DNM3: variants seen among roughly 807,000 people sequenced by gnomAD.
The protein encoded by DNM3 is dynamin-3.
Under a neutral mutation model 101.6 loss-of-function variants are expected in DNM3, and 47 were observed. The observed-to-expected ratio is 0.46, with a 90% confidence interval of 0.37 to 0.59. DNM3 has a LOEUF of 0.59. Among genes scored for constraint, DNM3 ranks in the 20% least tolerant of loss-of-function variants. The probability of loss-of-function intolerance (pLI) is 0.00; values close to 1 mark genes in which losing one functional copy is unlikely to be tolerated. For missense variants in DNM3, 849 were observed against 1,085.7 expected, an observed-to-expected ratio of 0.78 and a Z score of 3.06; for synonymous variants, 385 against 387.9, an observed-to-expected ratio of 0.99 and a Z score of 0.09.
intron 16 of DNM3, among the ~76,000 whole-genome samples, chr1:172,314,503 C>A (rs900315682): frequency 6.6e-6 from 1 of 152,160 alleles, no homozygotes; most frequent in African/African-American, 2.4e-5. Flanking sequence ...GGGTGACAGA[C>A]GGCACCTGGA....
chr1:172,038,607 T>C, intron 7 of DNM3, 146 bp downstream of exon 7: 1 of 1,111,022 alleles, frequency 9.0e-7, no homozygotes. Context: ...CTCTTGAATT[T>C]TTATGCTTTG....
Position 172,387,272 on chromosome 1 carries a change from T to A in DNM3, c.2198T>A (p.Leu733His), listed in dbSNP as rs2069235873. The change falls in exon 19 of 21, where the codon CTT (leucine) becomes CAT (histidine). Residue 733 changes from leucine (L) to histidine (H), a missense_variant. Physicochemically the swap from Leu to His is moderately conservative, Grantham distance 99. Coordinates refer to ENST00000627582, the MANE Select transcript of DNM3 (RefSeq NM_015569.5). ...ATGTATCAAGCACTGAAAGAAGCCCTTGGGATAATTGGGGACATCAGCACA... is the reference window on the plus strand; with the variant it reads ...ATGTATCAAGCACTGAAAGAAGCCCATGGGATAATTGGGGACATCAGCACA... ...LRMYQALKEALGIIGDISTAT... is the reference protein window; with the variant it reads ...LRMYQALKEAHGIIGDISTAT... 1 of 1,613,910 alleles carries A rather than the reference T, an allele frequency of 6.2e-7. No homozygotes were observed. The highest frequency in any genetic ancestry group is 2.2e-5 in the East Asian group (1 of 44,862).
intron 15 of DNM3, among the ~76,000 whole-genome samples, chr1:172,284,363 T>C (rs924688952): frequency 1.2e-4 from 18 of 152,174 alleles, no homozygotes; most frequent in Admixed American, 8.5e-4. Flanking sequence ...GAAAATGTCA[T>C]TGGGATATTG....
intron 6 of DNM3, among the ~76,000 whole-genome samples, chr1:172,036,955 A>G (rs2049014389): frequency 6.8e-6 from 1 of 148,128 alleles, no homozygotes; most frequent in Non-Finnish European, 1.5e-5. Flanking sequence ...ACAAGAAAAA[A>G]ACAACTCCAT....
At chr1:172,121,781 A>G (rs535093270) in intron 13 of DNM3, among the ~76,000 whole-genome samples, 2 of 152,202 alleles carry the variant, frequency 1.3e-5, no homozygotes, top group Non-Finnish European at 2.9e-5. Context: ...GGAAACAGAA[A>G]GTTATTAATT....
At chr1:172,031,420 G>A (rs2048597466) in intron 4 of DNM3, among the ~76,000 whole-genome samples, 1 of 152,118 alleles carries the variant, frequency 6.6e-6, no homozygotes, top group Non-Finnish European at 1.5e-5. Flanking sequence ...GATGAGAGGA[G>A]GGAGAGCATT....
chr1:172,065,319 C>G (rs1291711308), intron 10 of DNM3, among the ~76,000 whole-genome samples: 1 of 152,168 alleles, frequency 6.6e-6, no homozygotes, highest in African/African-American at 2.4e-5. Flanking sequence ...AGTTACTTCT[C>G]TGAGGCAATG....
At chr1:172,202,755 T>C (rs1442857840) in intron 14 of DNM3, among the ~76,000 whole-genome samples, 12 of 152,164 alleles carry the variant, frequency 7.9e-5, no homozygotes, top group Non-Finnish European at 2.9e-5. Context: ...ATATTATAGA[T>C]TTTACATTTG....
chr1:171,930,150 C>G (rs1248626640), intron 2 of DNM3, among the ~76,000 whole-genome samples: 1 of 152,042 alleles, frequency 6.6e-6, no homozygotes, highest in Non-Finnish European at 1.5e-5. Flanking sequence ...GCTGGGAGAT[C>G]CCTTCTGCCC....
chr1:172,355,146 G>A (rs1196302285), intron 17 of DNM3, among the ~76,000 whole-genome samples: 1 of 152,038 alleles, frequency 6.6e-6, no homozygotes, highest in African/African-American at 2.4e-5. Flanking sequence ...CTGGGAGCCT[G>A]TAGAAACATA....
chr1:172,151,038 T>G (rs2058105697), intron 14 of DNM3, among the ~76,000 whole-genome samples: 1 of 152,212 alleles, frequency 6.6e-6, no homozygotes, highest in Non-Finnish European at 1.5e-5. Context: ...TGTGTACAAA[T>G]GTATGTGAGC....
intron 2 of DNM3, among the ~76,000 whole-genome samples, chr1:171,955,541 C>G (rs1009862797): frequency 6.6e-6 from 1 of 152,100 alleles, no homozygotes; most frequent in African/African-American, 2.4e-5. Context: ...AATGATAAAG[C>G]TATTATCTAT....
chr1:172,346,739 G>A (rs1017536480), intron 17 of DNM3, among the ~76,000 whole-genome samples: 1 of 152,150 alleles, frequency 6.6e-6, no homozygotes, highest in Admixed American at 6.5e-5. Flanking sequence ...ATCCATAGAA[G>A]CCAGAAAATG....
chr1:172,317,291 G>C (rs534924347), intron 16 of DNM3, among the ~76,000 whole-genome samples: 22 of 151,684 alleles, frequency 1.5e-4, no homozygotes, highest in Non-Finnish European at 2.7e-4. Flanking sequence ...AAGCAGGAAA[G>C]ATCCAAAATT....
intron 1 of DNM3, among the ~76,000 whole-genome samples, chr1:171,851,188 T>TTCACTGC (rs1302695504): frequency 6.6e-6 from 1 of 152,186 alleles, no homozygotes; most frequent in Admixed American, 6.5e-5. Context: ...CACAGGAATC[T>TTCACTGC]ACCGAACAGT....
At chr1:172,118,727 C>T (rs1024248552) in intron 13 of DNM3, among the ~76,000 whole-genome samples, 2 of 152,126 alleles carry the variant, frequency 1.3e-5, no homozygotes, top group Non-Finnish European at 2.9e-5. Flanking sequence ...CTCTTAGTGA[C>T]GTTTCCCAGC....
intron 14 of DNM3, among the ~76,000 whole-genome samples, chr1:172,220,158 G>A (rs2060854949): frequency 6.6e-6 from 1 of 152,148 alleles, no homozygotes; most frequent in South Asian, 2.1e-4. Flanking sequence ...TCATTGAAGA[G>A]AAAGGGTTGT....
In DNM3 at chr1:172,248,295, A is replaced by T. The variant is rs530921053; in HGVS notation, c.1660-5278A>T. Among the ~76,000 whole-genome samples the T allele has an allele frequency of 1.3e-5, 2 of 152,296 alleles. 1 individual carries two copies. Among genetic ancestry groups the T allele is most frequent in the African/African-American group, 4.8e-5 (2 of 41,584 alleles). On this transcript the variant is annotated intron_variant, in intron 14 of 20. Transcript: ENST00000627582. Reference sequence around the variant, plus strand: ...TTCACCTCTGGTTAATTTTTACACAATGGTCTAGGTAGGCCCAGCATGTTG... The same window carrying T: ...TTCACCTCTGGTTAATTTTTACACATTGGTCTAGGTAGGCCCAGCATGTTG...
chr1:172,316,223 G>A (rs530485000), intron 16 of DNM3, among the ~76,000 whole-genome samples: 2 of 151,848 alleles, frequency 1.3e-5, no homozygotes, highest in Non-Finnish European at 2.9e-5. Flanking sequence ...TGCCCTGAAA[G>A]AGCTCCTGAA....
Sources: gnomAD v4.1 joint callset for allele counts (sites outside exome capture counted in the v4.1 genomes callset) on GRCh38, gnomAD v4.1.1 for gene constraint, MANE v1.5 for transcripts, NCBI Gene and HGNC (gene_info 2026-07-23, HGNC 2026-07-21) for gene names.